The following INSL6 variants were observed in gnomAD, a reference collection of about 807,000 sequenced individuals.
The protein encoded by INSL6 is insulin-like peptide INSL6.
A neutral mutation model predicts 9.4 loss-of-function variants in INSL6; 16 were observed. The ratio of observed to expected loss-of-function variants is 1.70; its 90% CI spans 1.15 to 2.59. The LOEUF (loss-of-function observed/expected upper bound fraction) is 2.59. Among genes scored for constraint, INSL6 ranks in the 30% most tolerant of loss-of-function variants. The pLI is 0.00. For synonymous variants in INSL6, 154 were observed against 96.9 expected (o/e 1.59, Z -3.46); for missense variants, 391 against 257.3 (o/e 1.52, Z -3.56).
intron 2 of INSL6, among the ~76,000 whole-genome samples, chr9:5,140,032 C>G (rs563779426): frequency 6.6e-6 from 1 of 152,002 alleles, no homozygotes; most frequent in Admixed American, 6.6e-5. Flanking sequence ...AAAAAACCCA[C>G]AACATTAAAT....
intron 1 of INSL6, among the ~76,000 whole-genome samples, chr9:5,176,204 C>T (rs905227262): frequency 5.3e-5 from 8 of 152,164 alleles, no homozygotes; most frequent in African/African-American, 1.9e-4. Context: ...TGCATAAATG[C>T]CCTTTCTCCA....
chr9:5,003,862 G>C, the INSL6 span, among the ~76,000 whole-genome samples: 3 of 151,956 alleles, frequency 2.0e-5, no homozygotes, highest in African/African-American at 7.2e-5. Context: ...GAGTGAGGAA[G>C]TTTGCTTTTA....
chr9:5,102,911 G>A, the INSL6 span, among the ~76,000 whole-genome samples: 27 of 152,124 alleles, frequency 1.8e-4, no homozygotes, highest in Middle Eastern at 6.8e-3. Context: ...ACATGGAAAG[G>A]AACAACCAGT....
chr9:5,129,114 T>G (rs987966170), intron 3 of INSL6, among the ~76,000 whole-genome samples: 1 of 152,092 alleles, frequency 6.6e-6, no homozygotes, highest in African/African-American at 2.4e-5. Context: ...CTATAACTTC[T>G]GGTATTTAAA....
At chr9:5,122,413 C>A (rs960857016), downstream of INSL6, among the ~76,000 whole-genome samples, 1 of 152,038 alleles carries the variant, frequency 6.6e-6, no homozygotes, top group Non-Finnish European at 1.5e-5. Flanking sequence ...GCCTTGGAAC[C>A]AATTTTTTTC....
chr9:4,999,338 T>G, the INSL6 span, among the ~76,000 whole-genome samples: 1 of 152,216 alleles, frequency 6.6e-6, no homozygotes, highest in South Asian at 2.1e-4. Flanking sequence ...TTGCATGTAT[T>G]TTATATACTG....
the INSL6 span, chr9:5,021,952 T>C: frequency 3.3e-6 from 5 of 1,511,214 alleles, no homozygotes; most frequent in Non-Finnish European, 4.6e-6. Flanking sequence ...CTTTATTGTT[T>C]TCTCTTACAG....
the INSL6 span, among the ~76,000 whole-genome samples, chr9:5,081,358 T>G: frequency 5.1e-4 from 78 of 152,248 alleles, no homozygotes; most frequent in African/African-American, 1.8e-3. Context: ...TGTATTTGTT[T>G]TGCTTTGTTC....
chr9:5,062,194 T>C, the INSL6 span, among the ~76,000 whole-genome samples: 1 of 151,962 alleles, frequency 6.6e-6, no homozygotes, highest in Non-Finnish European at 1.5e-5. Flanking sequence ...CCTGCATATG[T>C]GTAGGGCTGA....
the INSL6 span, among the ~76,000 whole-genome samples, chr9:5,087,694 T>C: frequency 6.6e-6 from 1 of 152,210 alleles, no homozygotes; most frequent in Non-Finnish European, 1.5e-5. Flanking sequence ...ATATACATTT[T>C]CCCACTGCTT....
the INSL6 span, among the ~76,000 whole-genome samples, chr9:5,043,425 G>A: frequency 1.3e-5 from 2 of 152,156 alleles, no homozygotes; most frequent in African/African-American, 2.4e-5. Flanking sequence ...TACAAGGATG[G>A]CAAAAATCAG....
chr9:5,042,914 G>A, the INSL6 span, among the ~76,000 whole-genome samples: 2 of 152,188 alleles, frequency 1.3e-5, no homozygotes, highest in African/African-American at 2.4e-5. Flanking sequence ...CGAGGGGCAG[G>A]TGGGCCCTGC....
At chr9:5,058,586 G>C in the INSL6 span, among the ~76,000 whole-genome samples, 3 of 152,144 alleles carry the variant, frequency 2.0e-5, no homozygotes, top group Non-Finnish European at 4.4e-5. Context: ...AGAATTGCTG[G>C]ATCATATGGT....
At chr9:5,094,985 C>T in the INSL6 span, 2 of 152,132 alleles carry the variant, frequency 1.3e-5, no homozygotes, top group African/African-American at 2.4e-5. Flanking sequence ...ATCTCAATGC[C>T]TTTCCTAATT....
the INSL6 span, chr9:5,080,408 T>C: frequency 1.1e-5 from 17 of 1,578,722 alleles, no homozygotes; most frequent in Middle Eastern, 3.4e-4. Context: ...AAGTTAGAAT[T>C]ACTCTATCTC....
chr9:5,167,641 G>C (rs997510182), intron 1 of INSL6, among the ~76,000 whole-genome samples: 1 of 152,188 alleles, frequency 6.6e-6, no homozygotes, highest in African/African-American at 2.4e-5. Context: ...CTAGGAGGAG[G>C]GTTGGCCACG....
intron 1 of INSL6, among the ~76,000 whole-genome samples, chr9:5,182,442 C>T (rs962393531): frequency 1.3e-5 from 2 of 152,088 alleles, no homozygotes; most frequent in African/African-American, 4.8e-5. Context: ...TAATCACCTT[C>T]TGTAAATTAT....
At chr9:5,017,900 C>T in the INSL6 span, among the ~76,000 whole-genome samples, 1 of 152,100 alleles carries the variant, frequency 6.6e-6, no homozygotes, top group Non-Finnish European at 1.5e-5. Flanking sequence ...TGTCTCTTTA[C>T]TGTTTGTGAC....
chr9:5,155,920 T>A (rs1010663554), intron 2 of INSL6, among the ~76,000 whole-genome samples: 130 of 149,634 alleles, frequency 8.7e-4, no homozygotes, highest in African/African-American at 3.0e-3. Context: ...AAGTATAATT[T>A]AAAAAAAGAA....
Sources: allele counts gnomAD v4.1 joint callset (sites outside exome capture counted in the v4.1 genomes callset), GRCh38; gene constraint gnomAD v4.1.1; transcripts MANE v1.5; gene names NCBI Gene and HGNC (gene_info 2026-07-23, HGNC 2026-07-21).